Variants in MAGI2 observed in about 807,000 individuals in gnomAD.
MAGI2 encodes the protein membrane-associated guanylate kinase, WW and PDZ domain-containing protein 2.
A neutral mutation model predicts 133.3 loss-of-function variants in MAGI2; 35 were observed. The observed-to-expected ratio is 0.26, with a 90% CI of 0.20 to 0.35. The LOEUF (loss-of-function observed/expected upper bound fraction) is 0.35, where lower values mean the gene tolerates loss of function less well. Among genes scored for constraint, MAGI2 ranks in the 10% least tolerant of loss-of-function variants. The probability of loss-of-function intolerance (pLI) is 1.00; values close to 1 mark genes in which losing one functional copy is unlikely to be tolerated. For synonymous variants in MAGI2, 729 were observed against 710.6 expected (o/e 1.03, Z -0.41); for missense variants, 1,636 against 1,863.4 (o/e 0.88, Z 2.25).
intron 1 of MAGI2, among the ~76,000 whole-genome samples, chr7:79,217,143 T>A (rs755472191): frequency 6.6e-6 from 1 of 152,060 alleles, no homozygotes; most frequent in Non-Finnish European, 1.5e-5. Flanking sequence ...CTTTTTTCCA[T>A]CAATGATTTT....
At chr7:78,938,935 C>T (rs764043167) in intron 2 of MAGI2, among the ~76,000 whole-genome samples, 5 of 152,046 alleles carry the variant, frequency 3.3e-5, no homozygotes, top group African/African-American at 2.4e-5. Flanking sequence ...GAGAGCCTAC[C>T]GGTTGGAGTT....
chr7:78,946,923 C>T (rs908986364), intron 2 of MAGI2: 15 of 152,056 alleles, frequency 9.9e-5, no homozygotes, highest in African/African-American at 3.1e-4. Flanking sequence ...GAAAACACAT[C>T]GTCCAGATTT....
At chr7:78,278,277 C>T (rs768937905) in intron 9 of MAGI2, among the ~76,000 whole-genome samples, 5 of 152,084 alleles carry the variant, frequency 3.3e-5, no homozygotes, top group Non-Finnish European at 7.4e-5. Flanking sequence ...CACTGCTGTT[C>T]CTCAAGAGTA....
At chr7:78,026,689 A>T (rs1808951605) in intron 21 of MAGI2, among the ~76,000 whole-genome samples, 1 of 152,170 alleles carries the variant, frequency 6.6e-6, no homozygotes, top group Non-Finnish European at 1.5e-5. Context: ...TGGGGTGGGG[A>T]AAGAGACTTT....
chr7:78,875,643 A>G (rs1004620412), intron 2 of MAGI2, among the ~76,000 whole-genome samples: 3 of 152,204 alleles, frequency 2.0e-5, no homozygotes, highest in Non-Finnish European at 4.4e-5. Flanking sequence ...AACAGCACAT[A>G]TTGCCACTAT....
chr7:79,022,646 C>CAAAA lies in MAGI2; in HGVS notation c.302-15444_302-15441dup, dbSNP rs61289194. Among the ~76,000 whole-genome samples the CAAAA allele has an allele frequency of 5.5e-3, 646 of 118,486 alleles. 23 individuals carry two copies. The highest frequency in any genetic ancestry group is 0.018 in the South Asian group (64 of 3,548). The allele number at this position is 118,486 out of a possible 152,430, so 77.7% of individuals were successfully genotyped here. A position where few individuals can be genotyped will look rare whatever the true frequency, so the allele number is the denominator to read the frequency against. On this transcript the variant is annotated intron_variant, in intron 1 of 21. Transcript: ENST00000354212. The stretch of plus-strand genomic sequence containing the variant: ...AGTAAGTTTAAAAAGAGACAAGATC[C>CAAAA]AAAAAAAAAAAAAAAACCACATTCA...
At chr7:78,160,881 T>A (rs1211030763) in intron 15 of MAGI2, among the ~76,000 whole-genome samples, 2 of 152,218 alleles carry the variant, frequency 1.3e-5, no homozygotes, top group Non-Finnish European at 2.9e-5. Context: ...AGTTCTATTT[T>A]ATAATATTCT....
intron 6 of MAGI2, among the ~76,000 whole-genome samples, chr7:78,446,423 A>G (rs1788147063): frequency 6.6e-6 from 1 of 152,252 alleles, no homozygotes; most frequent in Non-Finnish European, 1.5e-5. Flanking sequence ...TGTGAACAGA[A>G]GGATCTGAAC....
intron 2 of MAGI2, among the ~76,000 whole-genome samples, chr7:78,815,701 T>C (rs1789510911): frequency 1.3e-5 from 2 of 152,204 alleles, no homozygotes; most frequent in African/African-American, 4.8e-5. Context: ...GATGTTACTA[T>C]TGTAATTGTT....
At chr7:79,239,819 T>C (rs1832245375) in intron 1 of MAGI2, among the ~76,000 whole-genome samples, 1 of 152,208 alleles carries the variant, frequency 6.6e-6, no homozygotes, top group Non-Finnish European at 1.5e-5. Context: ...ATTTCTCAAC[T>C]AAAATCAGGG....
At chr7:79,337,917 G>A (rs1267255856) in intron 1 of MAGI2, among the ~76,000 whole-genome samples, 1 of 152,018 alleles carries the variant, frequency 6.6e-6, no homozygotes, top group Non-Finnish European at 1.5e-5. Flanking sequence ...CCACCATGCT[G>A]AGCTGCATGC....
At chr7:78,469,090 A>C (rs963284765) in intron 6 of MAGI2, among the ~76,000 whole-genome samples, 1 of 152,210 alleles carries the variant, frequency 6.6e-6, no homozygotes, top group African/African-American at 2.4e-5. Flanking sequence ...TATTCTCAGA[A>C]AACAAGTTTA....
chr7:78,366,972 T>A (rs947248792), intron 7 of MAGI2, among the ~76,000 whole-genome samples: 4 of 152,122 alleles, frequency 2.6e-5, no homozygotes, highest in African/African-American at 9.7e-5. Flanking sequence ...AATCTAAAAC[T>A]ATTAAACATG....
chr7:79,264,097 C>G (rs1168452462), intron 1 of MAGI2, among the ~76,000 whole-genome samples: 1 of 152,060 alleles, frequency 6.6e-6, no homozygotes, highest in African/African-American at 2.4e-5. Context: ...CCTTTGTATT[C>G]TTTTTTCATA....
chr7:78,669,730 A>C (rs1052679042), intron 2 of MAGI2, among the ~76,000 whole-genome samples: 2 of 152,222 alleles, frequency 1.3e-5, no homozygotes, highest in African/African-American at 4.8e-5. Flanking sequence ...CACCATGATC[A>C]AGTGGGCTTT....
intron 1 of MAGI2, among the ~76,000 whole-genome samples, chr7:79,245,665 C>A (rs1373367139): frequency 1.3e-5 from 2 of 152,168 alleles, no homozygotes; most frequent in African/African-American, 4.8e-5. Flanking sequence ...GGCCTTAACT[C>A]CTAGATGGCA....
chr7:78,654,952 G>C (rs374247905), intron 2 of MAGI2, among the ~76,000 whole-genome samples: 1 of 151,430 alleles, frequency 6.6e-6, no homozygotes, highest in African/African-American at 2.4e-5. Context: ...CCTTGAACGG[G>C]TCTGTTTTAG....
chr7:78,982,120 C>T (rs1804846569), intron 2 of MAGI2, among the ~76,000 whole-genome samples: 1 of 151,878 alleles, frequency 6.6e-6, no homozygotes, highest in African/African-American at 2.4e-5. Flanking sequence ...TCCTCCCAAG[C>T]TGCTATATAA....
intron 1 of MAGI2, among the ~76,000 whole-genome samples, chr7:79,422,519 G>T (rs1007415832): frequency 1.3e-5 from 2 of 151,648 alleles, no homozygotes; most frequent in Non-Finnish European, 2.9e-5. Context: ...TTTTCCCCTT[G>T]CAATTAAAAA....
Sources: gnomAD v4.1 joint callset for allele counts (sites outside exome capture counted in the v4.1 genomes callset) on GRCh38, gnomAD v4.1.1 for gene constraint, MANE v1.5 for transcripts, NCBI Gene and HGNC (gene_info 2026-07-23, HGNC 2026-07-21) for gene names.